The following TJP2 variants were observed in gnomAD, a reference collection of about 807,000 sequenced individuals.
The protein encoded by TJP2 is tight junction protein 2, also known as Friedreich ataxia region gene X104 (tight junction protein ZO-2).
Under a neutral mutation model 133.1 loss-of-function variants are expected in TJP2, and 91 were observed. That is an observed-to-expected ratio of 0.68 (90% CI 0.58 to 0.81). TJP2 has a LOEUF of 0.81. Among genes scored for constraint, TJP2 ranks in the 40% least tolerant of loss-of-function variants. The probability of loss-of-function intolerance (pLI) is 0.00; values close to 1 mark genes in which losing one functional copy is unlikely to be tolerated. For missense variants in TJP2, 1,541 were observed against 1,565.6 expected (o/e 0.98, Z 0.26); for synonymous variants, 592 against 583.4 (o/e 1.01, Z -0.21).
chr9:69,248,375 T>C, intron 19 of TJP2, 151 bp downstream of exon 19: 3 of 1,443,696 alleles, frequency 2.1e-6, no homozygotes, highest in Non-Finnish European at 2.7e-6. Flanking sequence ...GAGTCCACGC[T>C]GGCATGGTTG....
At chr9:69,249,807 G>A (rs1563961597) in intron 20 of TJP2, 16 of 961,326 alleles carry the variant, frequency 1.7e-5, no homozygotes, top group East Asian at 1.1e-4. Context: ...ATCACCAATC[G>A]CAGAACGTGT....
chr9:69,222,543 A>G (rs1414906860), intron 5 of TJP2, among the ~76,000 whole-genome samples: 1 of 152,194 alleles, frequency 6.6e-6, no homozygotes, highest in Non-Finnish European at 1.5e-5. Flanking sequence ...CGTTCGTTTA[A>G]TCCTCAGAAC....
chr9:69,174,909 GTTTTTT>G (rs35641843), intron 1 of TJP2, among the ~76,000 whole-genome samples: 58 of 139,274 alleles, frequency 4.2e-4, no homozygotes, highest in African/African-American at 1.4e-3. Context: ...AGTAAAAGTT[GTTTTTT>G]TTTTTTTTTT....
chr9:69,191,782 G>C (rs1826220743), intron 1 of TJP2, among the ~76,000 whole-genome samples: 1 of 151,852 alleles, frequency 6.6e-6, no homozygotes, highest in African/African-American at 2.4e-5. Flanking sequence ...TGTTGCCCAG[G>C]CTGGAGTGCA....
At chr9:69,178,190 T>C (rs1034660540) in intron 1 of TJP2, among the ~76,000 whole-genome samples, 3 of 152,282 alleles carry the variant, frequency 2.0e-5, no homozygotes, top group Middle Eastern at 3.4e-3. Context: ...CTCTACCTTT[T>C]ATGCTATCCC....
At chr9:69,247,870 CAG>C (rs1421408339) in intron 18 of TJP2, 140 bp from the exon 19 acceptor site, 4 of 817,226 alleles carry the variant, frequency 4.9e-6, no homozygotes, top group Non-Finnish European at 7.4e-6. Context: ...CAAGTGATCT[CAG>C]GGAGAAAAAT....
intron 2 of TJP2, among the ~76,000 whole-genome samples, chr9:69,152,436 T>C (rs1417252520): frequency 1.3e-5 from 2 of 152,220 alleles, no homozygotes; most frequent in African/African-American, 4.8e-5. Flanking sequence ...GCTTGTTTTA[T>C]AATTCCTGTC....
intron 3 of TJP2, among the ~76,000 whole-genome samples, chr9:69,217,297 A>C (rs2059888639): frequency 6.6e-6 from 1 of 152,148 alleles, no homozygotes; most frequent in Non-Finnish European, 1.5e-5. Context: ...AGCTGGTAAC[A>C]CCATTTTACA....
chr9:69,149,032 T>C (rs1174869872), intron 1 of TJP2, among the ~76,000 whole-genome samples: 2 of 152,242 alleles, frequency 1.3e-5, no homozygotes, highest in Non-Finnish European at 2.9e-5. Context: ...CCTGACAATT[T>C]TACATTATCT....
chr9:69,212,632 G>C (rs761473658), intron 2 of TJP2, 31 bp downstream of exon 2: 20 of 1,563,584 alleles, frequency 1.3e-5, no homozygotes, highest in Non-Finnish European at 1.6e-5. Context: ...ATATTCTACA[G>C]TCATGTTCTT....
upstream of TJP2, among the ~76,000 whole-genome samples, chr9:69,170,376 AG>A (rs1824614628): frequency 6.6e-6 from 1 of 152,248 alleles, no homozygotes; most frequent in East Asian, 1.9e-4. Context: ...TGATAATTAT[AG>A]CATTATCATT....
intron 3 of TJP2, among the ~76,000 whole-genome samples, chr9:69,216,772 A>G (rs986613817): frequency 1.3e-5 from 2 of 152,054 alleles, no homozygotes; most frequent in Non-Finnish European, 2.9e-5. Context: ...ATGCTTCTCA[A>G]CCCCGATGCT....
At chr9:69,149,343 C>T (rs533100958) in intron 1 of TJP2, among the ~76,000 whole-genome samples, 2 of 152,176 alleles carry the variant, frequency 1.3e-5, no homozygotes, top group Non-Finnish European at 2.9e-5. Context: ...AAGTACCTCT[C>T]GATTTGTAAG....
At chr9:69,171,207 C>T (rs1274377535), upstream of TJP2, among the ~76,000 whole-genome samples, 2 of 152,162 alleles carry the variant, frequency 1.3e-5, no homozygotes, top group African/African-American at 2.4e-5. Flanking sequence ...TTCCCGCTCG[C>T]GTCTCCCCAT....
upstream of TJP2, chr9:69,173,974 C>A: frequency 4.1e-6 from 4 of 985,252 alleles, no homozygotes; most frequent in Non-Finnish European, 4.8e-6. Context: ...GGGGTGCAGG[C>A]GTGGGGGCTG....
intron 1 of TJP2, among the ~76,000 whole-genome samples, chr9:69,187,961 T>G (rs148155728): frequency 6.6e-6 from 1 of 152,200 alleles, no homozygotes; most frequent in East Asian, 1.9e-4. Flanking sequence ...GCAGGAAATA[T>G]GGAGATCTTC....
At chr9:69,175,274 G>C (rs1470354733) in intron 1 of TJP2, among the ~76,000 whole-genome samples, 2 of 152,148 alleles carry the variant, frequency 1.3e-5, no homozygotes, top group Admixed American at 6.5e-5. Flanking sequence ...GTTCCCAGCG[G>C]AGAGTCATCC....
intron 1 of TJP2, among the ~76,000 whole-genome samples, chr9:69,186,695 A>G (rs781714198): frequency 2.6e-5 from 4 of 152,210 alleles, no homozygotes; most frequent in African/African-American, 7.2e-5. Flanking sequence ...TTTTAAATCA[A>G]TGTATGTATT....
At chr9:69,137,284 TTTC>T (rs1564372594) in intron 1 of TJP2, among the ~76,000 whole-genome samples, 1,755 of 93,248 alleles carry the variant, frequency 0.019, 18 homozygotes, top group Non-Finnish European at 0.024. Flanking sequence ...TCTTTCTTTC[TTTC>T]TTTCTTTCTT....
Sources: gnomAD v4.1 joint callset for allele counts (sites outside exome capture counted in the v4.1 genomes callset) on GRCh38, gnomAD v4.1.1 for gene constraint, MANE v1.5 for transcripts, NCBI Gene and HGNC (gene_info 2026-07-23, HGNC 2026-07-21) for gene names.